The following SMPD4 variants were observed in gnomAD, a reference collection of about 807,000 sequenced individuals.
The protein encoded by SMPD4 is neutral sphingomyelinase 3.
A neutral mutation model predicts 97.8 loss-of-function variants in SMPD4; 58 were observed. That is an observed-to-expected ratio of 0.59 (90% confidence interval 0.48 to 0.74). The LOEUF (loss-of-function observed/expected upper bound fraction) is 0.74, where lower values mean the gene tolerates loss of function less well. Among genes scored for constraint, SMPD4 ranks in the 30% least tolerant of loss-of-function variants. The pLI is 0.00. For missense variants in SMPD4, 853 were observed against 1,080.5 expected, an observed-to-expected ratio of 0.79 and a Z score of 2.95; for synonymous variants, 388 against 450.0, an observed-to-expected ratio of 0.86 and a Z score of 1.74.
At chr2:130,181,746 A>C (rs1200684827), upstream of SMPD4, 1 of 1,547,846 alleles carries the variant, frequency 6.5e-7, no homozygotes, top group Non-Finnish European at 8.7e-7. Context: ...CGGGGGAGGG[A>C]GTGGTCCTTA....
chr2:130,177,320 G>A (rs937770516), intron 1 of SMPD4, among the ~76,000 whole-genome samples: 1 of 152,108 alleles, frequency 6.6e-6, no homozygotes, highest in East Asian at 1.9e-4. Flanking sequence ...AGACTCAAGC[G>A]AACTATCCGC....
chr2:130,153,870 A>C lies in SMPD4; in HGVS notation c.1725T>G (p.Cys575Trp), dbSNP rs1686483543. The C allele has an allele frequency of 6.2e-7, 1 of 1,613,740 alleles. No homozygotes were observed. Among genetic ancestry groups the C allele is most frequent in the African/African-American group, 1.3e-5 (1 of 74,918 alleles). The change falls in exon 17 of 20, where the codon TGT becomes TGG. Residue 575 changes from cysteine (C) to tryptophan (W), a missense_variant. Cys to Trp is a radical substitution (Grantham distance 215, BLOSUM62 -2). Transcript: ENST00000680298. ...KHTAKSISDQ[C>W]AESPAGHSFL... ...AGGAGTGGCCAGCCGGGCTCTCCGC[A>C]CACTGGTCGGAGATGGACTTGGCTG...
chr2:130,158,600 A>C (rs1687072889), intron 11 of SMPD4, among the ~76,000 whole-genome samples: 2 of 152,182 alleles, frequency 1.3e-5, no homozygotes, highest in Admixed American at 1.3e-4. Context: ...TTTGATTTGT[A>C]ACATACAAGC....
intron 5 of SMPD4, 21 bp from the exon 6 acceptor site, chr2:130,172,916 G>A: frequency 6.2e-7 from 1 of 1,600,496 alleles, no homozygotes; most frequent in South Asian, 1.1e-5. Context: ...AGGCAGTGAG[G>A]CTTGTGGGCA....
intron 11 of SMPD4, among the ~76,000 whole-genome samples, chr2:130,158,759 G>A (rs370447040): frequency 1.1e-4 from 16 of 152,256 alleles, no homozygotes; most frequent in South Asian, 1.0e-3. Flanking sequence ...CTGAGTCTGA[G>A]TGGACATGCT....
At chr2:130,176,662 T>C (rs1689005000) in intron 1 of SMPD4, 25 bp from the exon 2 acceptor site, 1 of 1,557,368 alleles carries the variant, frequency 6.4e-7, no homozygotes, top group Admixed American at 1.7e-5. Context: ...AGACAAAATC[T>C]CAACATCTGT....
rs140569650 is a variant in SMPD4, at chr2:130,155,163, G to A, written c.1386C>T (p.His462=). 2.1e-4 allele frequency: 339 copies of A among 1,614,208 alleles called. No homozygotes were observed. In the African/African-American group the frequency reaches 3.5e-3, roughly 16 times the overall value. The change falls in exon 15 of 20, where the codon CAC becomes CAT. Residue 462 remains histidine, a synonymous_variant. Transcript: ENST00000680298. ...TGGCCACTCGGAACACCATGAGCGCGTGCTTGGGGCTGACCAGGTCTGTGC... is the reference window on the plus strand; with the variant it reads ...TGGCCACTCGGAACACCATGAGCGCATGCTTGGGGCTGACCAGGTCTGTGC... ...ALRTDLVSPK[H]ALMVFRVAKV...
At chr2:130,165,769 A>G (rs1687870041) in intron 9 of SMPD4, among the ~76,000 whole-genome samples, 1 of 152,138 alleles carries the variant, frequency 6.6e-6, no homozygotes, top group African/African-American at 2.4e-5. Context: ...GGGTCTCACT[A>G]TGCTGGCCAG....
chr2:130,170,362 CT>C (rs1195853727), intron 8 of SMPD4, among the ~76,000 whole-genome samples: 1 of 149,094 alleles, frequency 6.7e-6, no homozygotes, highest in Non-Finnish European at 1.5e-5. Context: ...TGACAGGCAC[CT>C]GTAGTCCCAG....
intron 16 of SMPD4, 149 bp downstream of exon 16, chr2:130,154,128 A>T: frequency 2.6e-6 from 3 of 1,172,000 alleles, no homozygotes; most frequent in Non-Finnish European, 3.5e-6. Flanking sequence ...ATCAGGAAAA[A>T]ATTAGACTTT....
chr2:130,156,183 C>T (rs781663668), intron 13 of SMPD4, 48 bp from the exon 14 acceptor site: 1 of 1,536,686 alleles, frequency 6.5e-7, no homozygotes, highest in South Asian at 1.1e-5. Flanking sequence ...GGGCCAAATA[C>T]TCGGTGGCCT....
chr2:130,154,531 C>T (rs745671347), intron 15 of SMPD4, 49 bp from the exon 16 acceptor site: 68 of 1,550,484 alleles, frequency 4.4e-5, no homozygotes, highest in Non-Finnish European at 2.6e-6. Context: ...AGGCAGAGTA[C>T]CCGACTGCTG....
chr2:130,158,327 T>C, intron 11 of SMPD4: 1 of 1,125,804 alleles, frequency 8.9e-7, no homozygotes, highest in Non-Finnish European at 1.1e-6. Context: ...AACTTTTTTT[T>C]TTTTTCTTGA....
Position 130,153,407 on chromosome 2 carries a change from G to A in SMPD4, c.1937C>T (p.Thr646Ile), listed in dbSNP as rs2599980. 6.2e-7 allele frequency: 1 copy of A among 1,613,900 alleles called. No homozygotes were observed. Reference protein sequence around the residue: ...QLRQFTLALGTTQDENGKKQL... With the variant: ...QLRQFTLALGITQDENGKKQL... The stretch of plus-strand genomic sequence containing the variant: ...CTTTTTTCCATTCTCATCCTGGGTG[G>A]TGCCCAAGGCGAGTGTGAACTGCCT... The change falls in exon 18 of 20, where the codon ACC becomes ATC. Residue 646 changes from threonine to isoleucine, a missense_variant. By Grantham distance (89) the Thr-to-Ile change is moderately conservative. Around this residue, in one of 3 missense-constraint regions of SMPD4, gnomAD observed 511 missense variants for 608.1 expected, o/e 0.84. Coordinates refer to ENST00000680298, the MANE Select transcript of SMPD4 (RefSeq NM_017951.5).
chr2:130,161,938 T>G (rs1229906842), intron 10 of SMPD4, among the ~76,000 whole-genome samples: 1 of 152,188 alleles, frequency 6.6e-6, no homozygotes, highest in Non-Finnish European at 1.5e-5. Flanking sequence ...CAATGTCCCC[T>G]CCATGACTGG....
Position 130,172,821 on chromosome 2 carries a change from G to A in SMPD4, c.420C>T (p.Thr140=). The change falls in exon 6 of 20, where the codon ACC becomes ACT. Residue 140 remains threonine, a synonymous_variant. Transcript: ENST00000680298. Reference sequence around the variant, plus strand: ...AGTTCAGACCAAGGCCCCCAGTAGGGGTGAACTGGACCTTGTTGTGGTACA... The same window carrying A: ...AGTTCAGACCAAGGCCCCCAGTAGGAGTGAACTGGACCTTGTTGTGGTACA... ...SPLYHNKVQF[T]PTGGLGLNLA... 6 of 1,614,132 alleles carry A rather than the reference G, an allele frequency of 3.7e-6. No homozygotes were observed. The South Asian group carries it at 4.4e-5, about 12-fold the overall frequency.
At chr2:130,181,316 G>A (rs2104945623) in intron 1 of SMPD4, 1 of 1,424,774 alleles carries the variant, frequency 7.0e-7, no homozygotes, top group Non-Finnish European at 9.1e-7. Flanking sequence ...CAGAGTGTAC[G>A]AGCCGCGCGG....
intron 8 of SMPD4, among the ~76,000 whole-genome samples, chr2:130,167,867 G>A (rs1250890963): frequency 3.3e-5 from 5 of 152,094 alleles, no homozygotes; most frequent in Non-Finnish European, 5.9e-5. Context: ...TTTAGTAACC[G>A]CCCTATTAAT....
At chr2:130,162,793 C>G (rs1029824281) in intron 10 of SMPD4, among the ~76,000 whole-genome samples, 1 of 152,240 alleles carries the variant, frequency 6.6e-6, no homozygotes. Context: ...CTCCCACCCA[C>G]CAAGTTTTCT....
Sources: allele counts gnomAD v4.1 joint callset (sites outside exome capture counted in the v4.1 genomes callset), GRCh38; gene constraint gnomAD v4.1.1; regional missense constraint gnomAD v4.1.1; transcripts MANE v1.5; gene names NCBI Gene and HGNC (gene_info 2026-07-23, HGNC 2026-07-21).